EPRS1: variants seen among roughly 807,000 people sequenced by gnomAD.
EPRS1 encodes the protein bifunctional glutamate/proline--tRNA ligase.
Under a neutral mutation model 188.3 loss-of-function variants are expected in EPRS1, and 107 were observed. The ratio of observed to expected loss-of-function variants is 0.57; its 90% CI spans 0.49 to 0.67. The LOEUF (loss-of-function observed/expected upper bound fraction) is 0.67. EPRS1 is among the 30% of genes least tolerant of loss of function. The probability of loss-of-function intolerance (pLI) is 0.00; values close to 1 mark genes in which losing one functional copy is unlikely to be tolerated. For missense variants in EPRS1, 1,577 were observed against 1,802.2 expected, an observed-to-expected ratio of 0.88 and a Z score of 2.26; for synonymous variants, 596 against 593.1, an observed-to-expected ratio of 1.00 and a Z score of -0.07.
At chr1:219,997,936 T>C (rs1661268146) in intron 17 of EPRS1, among the ~76,000 whole-genome samples, 1 of 152,152 alleles carries the variant, frequency 6.6e-6, no homozygotes, top group African/African-American at 2.4e-5. Context: ...GTGGAACAGT[T>C]TCATTTGTGT....
intron 8 of EPRS1, among the ~76,000 whole-genome samples, chr1:220,022,731 T>C (rs11806631): frequency 0.018 from 2,677 of 152,310 alleles, 80 homozygotes; most frequent in African/African-American, 0.061. Flanking sequence ...CAAATACAAA[T>C]ACGTTTTAGA....
intron 18 of EPRS1, among the ~76,000 whole-genome samples, chr1:219,991,573 A>T (rs1768671): frequency 0.86 from 131,395 of 152,154 alleles, 57,161 homozygotes; most frequent in African/African-American, 0.97. Flanking sequence ...CTAGGAGACT[A>T]AGTAAACTAG....
At chr1:220,039,842 A>G (rs1662259739) in intron 2 of EPRS1, among the ~76,000 whole-genome samples, 1 of 152,204 alleles carries the variant, frequency 6.6e-6, no homozygotes, top group Non-Finnish European at 1.5e-5. Context: ...TTTAAATGCC[A>G]TTCAGAGGCC....
At position 220,005,368 on chromosome 1, in the gene EPRS1, G is replaced by C. The variant is rs202065918; in HGVS notation, c.1951-8C>G. On this transcript the variant is annotated splice_polypyrimidine_tract_variant and splice_region_variant and intron_variant, in intron 15 of 31. Transcript: ENST00000366923. ...TAGCATTAGCTCTTCATGCTGTAAA[G>C]ATGATATAAACCAAAGTACACTTTC... 2.9e-5 allele frequency: 39 copies of C among 1,353,000 alleles called. 1 individual carries two copies. In the African/African-American group the frequency reaches 9.4e-4, roughly 33 times the overall value. 83.8% of individuals were successfully genotyped at this position (1,353,000 alleles called of 1,614,324 possible).
In EPRS1 at chr1:220,005,300, G is replaced by A; in HGVS notation, c.2011C>T (p.Gln671Ter). 1 of 1,598,784 alleles carries A rather than the reference G, an allele frequency of 6.3e-7. No individual in the cohort carries two copies. Among genetic ancestry groups the A allele is most frequent in the Non-Finnish European group, 8.5e-7 (1 of 1,171,882 alleles). Residue 671 changes from glutamine to a stop codon, truncating the protein, a stop_gained, in exon 16 of 32, where the codon CAA (glutamine) becomes TAA (stop). Coordinates refer to ENST00000366923, the MANE Select transcript of EPRS1 (RefSeq NM_004446.3). LOFTEE classifies it high-confidence loss of function. ...ATGAAGAATCCTCTTCTCTGGAGTT[G>A]TATAATATCTCCTTTTTTCAAATCC... The part of the protein sequence containing the change: ...LKDLKKGDII[Q>*]LQRRGFFICD...
rs745964494 is a variant in EPRS1, at chr1:220,033,482, T to C, written c.388+20A>G. On this transcript the variant is annotated intron_variant, in intron 4 of 31. Coordinates refer to ENST00000366923, the MANE Select transcript of EPRS1 (RefSeq NM_004446.3). ...AATATTAAACGATTAAAACAGAGGATTATTAAGAATTATTGATACCTTTTA... is the reference window on the plus strand; with the variant it reads ...AATATTAAACGATTAAAACAGAGGACTATTAAGAATTATTGATACCTTTTA... The C allele has an allele frequency of 1.7e-5, 27 of 1,551,412 alleles. No homozygotes were observed. The East Asian group carries it at 4.1e-4, about 23-fold the overall frequency.
chr1:219,977,663 T>A (rs1364807641), intron 28 of EPRS1, among the ~76,000 whole-genome samples: 1 of 152,002 alleles, frequency 6.6e-6, no homozygotes, highest in Admixed American at 6.6e-5. Context: ...GAAAAGCATA[T>A]AAAGAAGCTG....
At chr1:219,969,194 G>T in intron 30 of EPRS1, 72 bp from the exon 31 acceptor site, 1 of 1,106,810 alleles carries the variant, frequency 9.0e-7, no homozygotes, top group Non-Finnish European at 1.4e-6. Flanking sequence ...GAACATTTGA[G>T]TTCTATATTA....
Position 220,037,225 on chromosome 1 carries a change from C to T in EPRS1, c.132-2212G>A, listed in dbSNP as rs554658158. On this transcript the variant is annotated intron_variant, in intron 2 of 31. Coordinates refer to ENST00000366923, the MANE Select transcript of EPRS1 (RefSeq NM_004446.3). ...ATCTCTAAAAATAAAAATAAAGAGG[C>T]CAGGCGTGGTGGCTCACGCCTGTGA... 2.9e-4 allele frequency among the ~76,000 whole-genome samples: 44 copies of T among 152,090 alleles called. No individual in the cohort carries two copies. In the South Asian group the frequency reaches 3.3e-3, roughly 11 times the overall value.
At chr1:220,015,088 C>T (rs1408693234) in intron 12 of EPRS1, among the ~76,000 whole-genome samples, 1 of 152,086 alleles carries the variant, frequency 6.6e-6, no homozygotes, top group African/African-American at 2.4e-5. Flanking sequence ...AGACAGAACA[C>T]GAAACAAGAG....
At chr1:219,977,023 C>T (rs1260706345) in intron 28 of EPRS1, among the ~76,000 whole-genome samples, 1 of 152,130 alleles carries the variant, frequency 6.6e-6, no homozygotes, top group Admixed American at 6.5e-5. Flanking sequence ...TCTGGCCTCA[C>T]AATCAAACAA....
chr1:220,002,030 A>G (rs1226796626), intron 16 of EPRS1, among the ~76,000 whole-genome samples: 1 of 151,114 alleles, frequency 6.6e-6, no homozygotes, highest in Non-Finnish European at 1.5e-5. Flanking sequence ...TTCTGTCTCC[A>G]AAGAAAAAAA....
chr1:220,023,338 A>C (rs1326590996), intron 8 of EPRS1, among the ~76,000 whole-genome samples: 2 of 152,210 alleles, frequency 1.3e-5, no homozygotes, highest in Non-Finnish European at 2.9e-5. Context: ...GCCACCTCTG[A>C]AAATGTAGAA....
chr1:219,972,012 T>G lies in EPRS1; in HGVS notation c.4323+57A>C, dbSNP rs1477216710. On this transcript the variant is annotated intron_variant, in intron 30 of 31. Coordinates refer to ENST00000366923, the MANE Select transcript of EPRS1 (RefSeq NM_004446.3). ...ATACCATGCATAAATTCAATGAGCC[T>G]TAAAATACAATTTACTTAAATATTC... 8.0e-6 allele frequency: 9 copies of G among 1,127,406 alleles called. No individual in the cohort carries two copies. In the African/African-American group the frequency reaches 1.4e-4, roughly 18 times the overall value. 69.8% of individuals were successfully genotyped at this position (1,127,406 alleles called of 1,614,324 possible).
chr1:219,971,527 A>G (rs1483621166), intron 30 of EPRS1, among the ~76,000 whole-genome samples: 1 of 152,002 alleles, frequency 6.6e-6, no homozygotes, highest in Non-Finnish European at 1.5e-5. Flanking sequence ...ATGGAAAGAA[A>G]CTGACTTTTC....
chr1:219,974,449 C>A (rs1170876487), intron 28 of EPRS1, among the ~76,000 whole-genome samples: 2 of 152,106 alleles, frequency 1.3e-5, no homozygotes, highest in African/African-American at 2.4e-5. Flanking sequence ...TAGGGAAAAA[C>A]CACATTTTTA....
intron 1 of EPRS1, among the ~76,000 whole-genome samples, chr1:220,043,187 A>G (rs1186435855): frequency 6.6e-6 from 1 of 152,196 alleles, no homozygotes; most frequent in African/African-American, 2.4e-5. Flanking sequence ...AATACTCTAC[A>G]TGATGACTGT....
chr1:220,023,765 T>C (rs894641712), intron 8 of EPRS1, among the ~76,000 whole-genome samples: 1 of 152,216 alleles, frequency 6.6e-6, no homozygotes, highest in Non-Finnish European at 1.5e-5. Context: ...CATATTCACA[T>C]GCAGTTGTGA....
At chr1:219,982,919 T>A (rs1660927411) in intron 22 of EPRS1, 75 bp from the exon 23 acceptor site, 1 of 1,311,852 alleles carries the variant, frequency 7.6e-7, no homozygotes, top group East Asian at 2.3e-5. Flanking sequence ...GCAGGCAAAT[T>A]TCCTCTGTTT....
Sources: allele counts gnomAD v4.1 joint callset (sites outside exome capture counted in the v4.1 genomes callset), GRCh38; gene constraint gnomAD v4.1.1; transcripts MANE v1.5; gene names NCBI Gene and HGNC (gene_info 2026-07-23, HGNC 2026-07-21).